Variants in SLC35F3 observed in about 807,000 individuals in gnomAD.
SLC35F3 encodes the protein putative thiamine transporter SLC35F3.
In SLC35F3, 25 loss-of-function variants were observed where a neutral mutation model predicts 49.9. The ratio of observed to expected loss-of-function variants is 0.50; its 90% CI spans 0.37 to 0.70. The LOEUF (loss-of-function observed/expected upper bound fraction) is 0.70. Ranked by LOEUF, SLC35F3 falls within the 30% of genes least tolerant of loss-of-function variation. SLC35F3 has a pLI of 0.00. For missense variants in SLC35F3, 525 were observed against 639.8 expected (o/e 0.82, Z 1.94); for synonymous variants, 275 against 265.4 (o/e 1.04, Z -0.35).
intron 2 of SLC35F3, among the ~76,000 whole-genome samples, chr1:234,042,684 T>C (rs1664239741): frequency 6.6e-6 from 1 of 152,194 alleles, no homozygotes. Context: ...CCTGACACAA[T>C]TATTTTATCA....
chr1:234,222,685 C>A (rs945328944), intron 2 of SLC35F3, among the ~76,000 whole-genome samples: 1 of 152,346 alleles, frequency 6.6e-6, no homozygotes, highest in East Asian at 1.9e-4. Flanking sequence ...CCTGGAGGTA[C>A]TGTCCTGCAT....
intron 2 of SLC35F3, among the ~76,000 whole-genome samples, chr1:234,058,166 G>T (rs1664482496): frequency 6.6e-6 from 1 of 151,024 alleles, no homozygotes; most frequent in East Asian, 1.9e-4. Context: ...GTCACATATT[G>T]TCAATTTTTT....
intron 3 of SLC35F3, among the ~76,000 whole-genome samples, chr1:234,278,974 T>C (rs1158956846): frequency 6.6e-6 from 1 of 151,532 alleles, no homozygotes; most frequent in African/African-American, 2.4e-5. Context: ...AAGTTTATTT[T>C]GCCAAAGTGA....
chr1:233,979,102 T>G (rs1224821899), intron 2 of SLC35F3, among the ~76,000 whole-genome samples: 1 of 151,288 alleles, frequency 6.6e-6, no homozygotes, highest in African/African-American at 2.4e-5. Context: ...GAAAAAGAAT[T>G]AAATGAAATG....
chr1:234,318,000 AT>A (rs1426357829), intron 5 of SLC35F3, among the ~76,000 whole-genome samples: 1 of 152,154 alleles, frequency 6.6e-6, no homozygotes, highest in Non-Finnish European at 1.5e-5. Context: ...TACTTCCTGC[AT>A]TTTTCAGGAA....
At chr1:234,288,807 C>T (rs931904720) in intron 3 of SLC35F3, among the ~76,000 whole-genome samples, 3 of 152,166 alleles carry the variant, frequency 2.0e-5, no homozygotes, top group Non-Finnish European at 4.4e-5. Flanking sequence ...GGTTCAAACC[C>T]TTGTCTTTCT....
At chr1:234,159,478 G>A (rs1045954358) in intron 2 of SLC35F3, among the ~76,000 whole-genome samples, 2 of 152,010 alleles carry the variant, frequency 1.3e-5, no homozygotes, top group African/African-American at 4.8e-5. Context: ...TCAGGAGGCT[G>A]AGGCGGGAGA....
In SLC35F3 at chr1:234,053,187, T is replaced by A. The variant is rs1483888894; in HGVS notation, c.283+147429T>A. 2.0e-5 allele frequency among the ~76,000 whole-genome samples: 3 copies of A among 152,320 alleles called. No individual in the cohort carries two copies. The East Asian group carries it at 5.8e-4, about 29-fold the overall frequency. The stretch of plus-strand genomic sequence containing the variant: ...TGCAGAGCTGAGTTCAAGTCCTGGA[T>A]ATCCTTGTTAACTTTCTGTCTCGTT... On this transcript the variant is annotated intron_variant, in intron 2 of 7. Coordinates refer to ENST00000366618, the MANE Select transcript of SLC35F3 (RefSeq NM_173508.4).
chr1:234,071,803 T>C (rs888111497), intron 2 of SLC35F3, among the ~76,000 whole-genome samples: 4 of 152,208 alleles, frequency 2.6e-5, no homozygotes, highest in African/African-American at 9.6e-5. Flanking sequence ...CTCGTTAAGA[T>C]GTAATTAATG....
chr1:234,071,189 G>A (rs756126995), intron 2 of SLC35F3, among the ~76,000 whole-genome samples: 1 of 152,152 alleles, frequency 6.6e-6, no homozygotes, highest in Non-Finnish European at 1.5e-5. Flanking sequence ...CAATAATATC[G>A]CTACAACACA....
chr1:234,002,444 G>A (rs992234739), intron 2 of SLC35F3, among the ~76,000 whole-genome samples: 1 of 152,108 alleles, frequency 6.6e-6, no homozygotes, highest in African/African-American at 2.4e-5. Flanking sequence ...GGAAAGTTTT[G>A]AGAAATATTG....
chr1:234,145,826 C>T (rs1316484003), intron 2 of SLC35F3, among the ~76,000 whole-genome samples: 2 of 152,148 alleles, frequency 1.3e-5, no homozygotes, highest in Non-Finnish European at 2.9e-5. Context: ...TACCATGGGA[C>T]AAGTGTATAT....
At chr1:234,159,367 A>G (rs1558245599) in intron 2 of SLC35F3, among the ~76,000 whole-genome samples, 2 of 152,154 alleles carry the variant, frequency 1.3e-5, no homozygotes, top group Admixed American at 6.5e-5. Context: ...ACCTGAGGTC[A>G]GGAGTTTGAG....
At chr1:234,123,328 A>G (rs994038452) in intron 2 of SLC35F3, among the ~76,000 whole-genome samples, 4 of 152,054 alleles carry the variant, frequency 2.6e-5, no homozygotes, top group Non-Finnish European at 5.9e-5. Context: ...TTCTCTTGTA[A>G]ATTTGTTTAA....
At chr1:234,147,511 C>T (rs1009640223) in intron 2 of SLC35F3, among the ~76,000 whole-genome samples, 1 of 151,986 alleles carries the variant, frequency 6.6e-6, no homozygotes, top group African/African-American at 2.4e-5. Flanking sequence ...TTGGATGGTT[C>T]TGTTTTTTGT....
chr1:234,174,299 A>G (rs922440195), intron 2 of SLC35F3, among the ~76,000 whole-genome samples: 11 of 152,242 alleles, frequency 7.2e-5, no homozygotes, highest in Admixed American at 2.0e-4. Context: ...GACTGAGCCC[A>G]TAGCCTCCCT....
At chr1:233,928,627 A>T (rs1256144430) in intron 2 of SLC35F3, among the ~76,000 whole-genome samples, 1 of 152,204 alleles carries the variant, frequency 6.6e-6, no homozygotes, top group Non-Finnish European at 1.5e-5. Flanking sequence ...GGCTGAATAC[A>T]GTACTGGTGT....
intron 2 of SLC35F3, among the ~76,000 whole-genome samples, chr1:233,975,082 T>G (rs1248704883): frequency 6.6e-6 from 1 of 152,218 alleles, no homozygotes; most frequent in Non-Finnish European, 1.5e-5. Flanking sequence ...GAAGCCAGAA[T>G]GAAGATTTCC....
intron 2 of SLC35F3, among the ~76,000 whole-genome samples, chr1:233,921,746 G>A (rs951926626): frequency 6.6e-6 from 1 of 151,944 alleles, no homozygotes; most frequent in Non-Finnish European, 1.5e-5. Context: ...TTGGTGTGCT[G>A]CACCCATTAA....
Sources: allele counts gnomAD v4.1 joint callset (sites outside exome capture counted in the v4.1 genomes callset), GRCh38; gene constraint gnomAD v4.1.1; transcripts MANE v1.5; gene names NCBI Gene and HGNC (gene_info 2026-07-23, HGNC 2026-07-21).